TMEM35A: variants seen among roughly 807,000 people sequenced by gnomAD.
The protein encoded by TMEM35A is nicotinic acetylcholine receptor chaperone.
For missense variants in TMEM35A, 83 were observed against 132.7 expected (o/e 0.63, Z 1.84); for synonymous variants, 50 against 54.7 (o/e 0.91, Z 0.38).
intron 1 of TMEM35A, among the ~76,000 whole-genome samples, chrX:101,085,252 G>T (rs770055626): frequency 1.8e-5 from 2 of 111,526 alleles, no homozygotes; most frequent in Admixed American, 9.7e-5. Context: ...ATGAGATCAT[G>T]GATCCTGCTG....
intron 1 of TMEM35A, among the ~76,000 whole-genome samples, chrX:101,079,868 C>T (rs1389093902): frequency 8.9e-6 from 1 of 111,926 alleles, no homozygotes; most frequent in East Asian, 2.8e-4. Context: ...AGAGCCAGGC[C>T]CTCTGCAGGT....
At chrX:101,085,802 TG>T (rs1172473046) in intron 1 of TMEM35A, among the ~76,000 whole-genome samples, 4 of 107,391 alleles carry the variant, frequency 3.7e-5, no homozygotes, top group Non-Finnish European at 7.7e-5. Context: ...CTGGGCATGG[TG>T]GCACACACCT....
At chrX:101,081,232 G>A (rs139007596) in intron 1 of TMEM35A, among the ~76,000 whole-genome samples, 1,124 of 112,287 alleles carry the variant, frequency 0.01, 16 homozygotes, top group Non-Finnish European at 0.015. Flanking sequence ...AGAAGTAGAC[G>A]TCACAATAGT....
intron 1 of TMEM35A, among the ~76,000 whole-genome samples, chrX:101,082,642 A>G (rs2089296111): frequency 9.1e-6 from 1 of 109,693 alleles, no homozygotes; most frequent in African/African-American, 3.3e-5. Context: ...TCAAGCATAT[A>G]TATATATTTA....
intron 1 of TMEM35A, chrX:101,081,695 T>C (rs934440262): frequency 5.3e-5 from 6 of 112,332 alleles, no homozygotes; most frequent in Non-Finnish European, 7.5e-5. Flanking sequence ...TAGTCATGTA[T>C]TGACTGCAGT....
intron 1 of TMEM35A, among the ~76,000 whole-genome samples, chrX:101,090,165 C>CTT (rs1569495904): frequency 1.0e-5 from 1 of 98,161 alleles, no homozygotes; most frequent in African/African-American, 5.1e-5. Context: ...CCATTTCTTT[C>CTT]TTTCTTTTTT....
intron 1 of TMEM35A, among the ~76,000 whole-genome samples, chrX:101,087,514 C>T (rs1211282944): frequency 8.9e-6 from 1 of 112,104 alleles, no homozygotes; most frequent in East Asian, 2.8e-4. Flanking sequence ...TACACAGCTG[C>T]AGTTTAAGAG....
At chrX:101,081,428 T>G (rs1009079046) in intron 1 of TMEM35A, 4 of 112,451 alleles carry the variant, frequency 3.6e-5, no homozygotes, top group African/African-American at 1.3e-4. Flanking sequence ...GTGCTCAATA[T>G]GTATTTGTGG....
chrX:101,092,940 G>T (rs1203469944), intron 1 of TMEM35A, among the ~76,000 whole-genome samples: 1 of 111,922 alleles, frequency 8.9e-6, no homozygotes, highest in Non-Finnish European at 1.9e-5. Flanking sequence ...ATAAAGGTTT[G>T]GGGATTTATC....
intron 1 of TMEM35A, among the ~76,000 whole-genome samples, chrX:101,094,209 G>A (rs113218972): frequency 2.7e-5 from 3 of 109,863 alleles, no homozygotes; most frequent in East Asian, 2.9e-4. Flanking sequence ...TCCATCTCCC[G>A]AGTTCAAACC....
At position 101,094,693 on chromosome X, in the gene TMEM35A, C is replaced by G; in HGVS notation, c.241C>G (p.Leu81Val). ...LEVACGIVMT[L>V]VPGRPKDVAN... Reference sequence around the variant, plus strand: ...AGTGGCCTGTGGCATCGTCATGACCCTTGTGCCTGGGCGTCCCAAAGATGT... The same window carrying G: ...AGTGGCCTGTGGCATCGTCATGACCGTTGTGCCTGGGCGTCCCAAAGATGT... The change falls in exon 2 of 2, where the codon CTT (leucine) becomes GTT (valine). Residue 81 changes from leucine (L) to valine (V), a missense_variant. Coordinates refer to ENST00000372930, the MANE Select transcript of TMEM35A (RefSeq NM_021637.3). 8.3e-7 allele frequency: 1 copy of G among 1,211,641 alleles called. No homozygotes were observed. Among genetic ancestry groups the G allele is most frequent in the Non-Finnish European group, 1.1e-6 (1 of 895,538 alleles).
In TMEM35A at chrX:101,095,571, T is replaced by C. The variant is rs2148112307; in HGVS notation, c.*615T>C. The C allele has an allele frequency of 9.1e-6, 1 of 110,475 alleles. No individual in the cohort carries two copies. Among genetic ancestry groups the C allele is most frequent in the Admixed American group, 9.7e-5 (1 of 10,262 alleles). The allele number at this position is 110,475 out of a possible 1,213,427, so 9.1% of individuals were successfully genotyped here. On this transcript the variant is annotated 3_prime_UTR_variant, in exon 2 of 2. Transcript: ENST00000372930. ...ACATTCAATTTCGGACACTGAGTTA[T>C]ATATGAAATTAATTAGGCTCTAGTC...
rs555938875 is a variant in TMEM35A at position 101,093,353 on chromosome X, G to A, written c.121-1220G>A. On this transcript the variant is annotated intron_variant, in intron 1 of 1. Coordinates refer to ENST00000372930, the MANE Select transcript of TMEM35A (RefSeq NM_021637.3). ...TTTTGAGATGGAGTCTTGCTCTGTCGCCCAGGCTGGAGCGCAGTGGCACGA... is the reference window on the plus strand; with the variant it reads ...TTTTGAGATGGAGTCTTGCTCTGTCACCCAGGCTGGAGCGCAGTGGCACGA... Among the ~76,000 whole-genome samples the A allele has an allele frequency of 1.5e-4, 16 of 109,851 alleles. 1 individual carries two copies. Among genetic ancestry groups the A allele is most frequent in the South Asian group, 3.9e-4 (1 of 2,545 alleles).
At chrX:101,093,189 A>T (rs1239273688) in intron 1 of TMEM35A, among the ~76,000 whole-genome samples, 1 of 112,361 alleles carries the variant, frequency 8.9e-6, no homozygotes, top group Non-Finnish European at 1.9e-5. Flanking sequence ...CTTAGTATTC[A>T]TATGCATCTG....
chrX:101,084,230 A>G (rs981880681), intron 1 of TMEM35A, among the ~76,000 whole-genome samples: 11 of 107,517 alleles, frequency 1.0e-4, no homozygotes, highest in African/African-American at 3.7e-4. Flanking sequence ...TTTAGCATTC[A>G]TGTGGCAATT....
intron 1 of TMEM35A, among the ~76,000 whole-genome samples, chrX:101,087,727 C>G (rs2089311572): frequency 8.9e-6 from 1 of 111,858 alleles, no homozygotes; most frequent in African/African-American, 3.2e-5. Context: ...ATTCAGCCAG[C>G]ATCTGGAAGT....
chrX:101,091,302 C>CTT (rs111453010), intron 1 of TMEM35A, among the ~76,000 whole-genome samples: 6 of 90,126 alleles, frequency 6.7e-5, no homozygotes, highest in Admixed American at 1.3e-4. Context: ...CTCTCTCTCT[C>CTT]TTTTTTTTTT....
chrX:101,085,118 A>G (rs1187836062), intron 1 of TMEM35A, among the ~76,000 whole-genome samples: 1 of 111,437 alleles, frequency 9.0e-6, no homozygotes, highest in African/African-American at 3.3e-5. Flanking sequence ...TGAAGTGGAC[A>G]CTATTTGCCC....
At chrX:101,093,474 C>T (rs181830606) in intron 1 of TMEM35A, among the ~76,000 whole-genome samples, 6,287 of 109,453 alleles carry the variant, frequency 0.057, 169 homozygotes, top group Middle Eastern at 0.11. Flanking sequence ...CCACCACACC[C>T]GGCTAATTTT....
Sources: allele counts gnomAD v4.1 joint callset (sites outside exome capture counted in the v4.1 genomes callset), GRCh38; gene constraint gnomAD v4.1.1; transcripts MANE v1.5; gene names NCBI Gene and HGNC (gene_info 2026-07-23, HGNC 2026-07-21).